Variants in GATAD2B observed in about 807,000 individuals in gnomAD.
GATAD2B encodes transcriptional repressor p66-beta.
Under a neutral mutation model 64.3 loss-of-function variants are expected in GATAD2B, and 8 were observed. The ratio of observed to expected loss-of-function variants is 0.12; its 90% CI spans 0.07 to 0.22. GATAD2B has a LOEUF of 0.22. Among genes scored for constraint, GATAD2B ranks in the 10% least tolerant of loss-of-function variants. The pLI is 1.00. For synonymous variants in GATAD2B, 281 were observed against 271.3 expected, an observed-to-expected ratio of 1.04 and a Z score of -0.35; for missense variants, 453 against 752.0, an observed-to-expected ratio of 0.60 and a Z score of 4.65.
intron 10 of GATAD2B, 72 bp from the exon 11 acceptor site, chr1:153,810,382 G>A (rs754979323): frequency 2.0e-5 from 30 of 1,496,790 alleles, no homozygotes; most frequent in Non-Finnish European, 2.7e-5. Flanking sequence ...CTCTACCCTC[G>A]GGCTGCAGAG....
At chr1:153,820,098 CAAA>C (rs201426841) in intron 2 of GATAD2B, among the ~76,000 whole-genome samples, 9 of 63,174 alleles carry the variant, frequency 1.4e-4, no homozygotes, top group Admixed American at 1.4e-4. Flanking sequence ...GTTCCCGTCT[CAAA>C]AAAAAAAAAA....
At chr1:153,864,305 T>C (rs937531111) in intron 1 of GATAD2B, among the ~76,000 whole-genome samples, 2 of 152,168 alleles carry the variant, frequency 1.3e-5, no homozygotes, top group African/African-American at 4.8e-5. Flanking sequence ...TGAATGCTGA[T>C]TATCGGAATG....
chr1:153,815,285 A>AAC (rs1557780236), intron 7 of GATAD2B, among the ~76,000 whole-genome samples: 5 of 140,028 alleles, frequency 3.6e-5, no homozygotes, highest in African/African-American at 5.0e-5. Context: ...AAAAACAAAA[A>AAC]AAAAAAACAA....
In GATAD2B at chr1:153,809,982, T is replaced by G; in HGVS notation, c.*195A>C. ...GCGGCAGAAGAACAGATCGCAGCAG[T>G]GTGAAATAAAGGGGAGGTGGCAGGG... On this transcript the variant is annotated 3_prime_UTR_variant, in exon 11 of 11. Transcript: ENST00000368655. 1 of 552,548 alleles carries G rather than the reference T, an allele frequency of 1.8e-6. No individual in the cohort carries two copies. The highest frequency in any genetic ancestry group is 3.2e-6 in the Non-Finnish European group (1 of 314,406). 34.2% of individuals were successfully genotyped at this position (552,548 alleles called of 1,614,324 possible). A position where few individuals can be genotyped will look rare whatever the true frequency, so the allele number is the denominator to read the frequency against.
intron 1 of GATAD2B, among the ~76,000 whole-genome samples, chr1:153,844,202 C>G (rs947711324): frequency 1.3e-5 from 2 of 151,880 alleles, no homozygotes; most frequent in African/African-American, 2.4e-5. Flanking sequence ...AGGAAACTAT[C>G]CAAGACTGGG....
intron 1 of GATAD2B, among the ~76,000 whole-genome samples, chr1:153,906,718 C>T (rs1677948716): frequency 6.6e-6 from 1 of 151,994 alleles, no homozygotes; most frequent in African/African-American, 2.4e-5. Context: ...GAAAGGGCAA[C>T]CCACTGAATG....
At chr1:153,845,306 C>T (rs1449070408) in intron 1 of GATAD2B, among the ~76,000 whole-genome samples, 1 of 151,730 alleles carries the variant, frequency 6.6e-6, no homozygotes, top group African/African-American at 2.4e-5. Flanking sequence ...TGCTCAAGCA[C>T]AGGAGGCTGA....
chr1:153,846,736 T>C (rs1404148484), intron 1 of GATAD2B, among the ~76,000 whole-genome samples: 1 of 151,812 alleles, frequency 6.6e-6, no homozygotes, highest in Non-Finnish European at 1.5e-5. Context: ...AATTTTTGTA[T>C]TTTTAGTAGA....
rs2101868351 is a variant in GATAD2B at position 153,805,357 on chromosome 1, A to C, written c.*4820T>G. On this transcript the variant is annotated 3_prime_UTR_variant, in exon 11 of 11. Coordinates refer to ENST00000368655, the MANE Select transcript of GATAD2B (RefSeq NM_020699.4). ...TACACATCCTGTAGCTCACAAAGGG[A>C]GTAAATAACTAAAGCACCAACCTGG... 6.6e-6 allele frequency: 1 copy of C among 152,272 alleles called. No homozygotes were observed. The highest frequency in any genetic ancestry group is 6.5e-5 in the Admixed American group (1 of 15,294). The allele number at this position is 152,272 out of a possible 1,614,324, so 9.4% of individuals were successfully genotyped here.
chr1:153,903,298 G>C (rs963807555), intron 1 of GATAD2B, among the ~76,000 whole-genome samples: 3 of 151,812 alleles, frequency 2.0e-5, no homozygotes, highest in Non-Finnish European at 4.4e-5. Context: ...CTCTCTATCA[G>C]AACAATTAAC....
chr1:153,828,348 C>T lies in GATAD2B; in HGVS notation c.-1G>A. ...GAGCATCTTCTGTCATTCTATCCATCCTATGGAAAGAAAAATACAAGTAAG... is the reference window on the plus strand; with the variant it reads ...GAGCATCTTCTGTCATTCTATCCATTCTATGGAAAGAAAAATACAAGTAAG... On this transcript the variant is annotated splice_region_variant and 5_prime_UTR_variant, in exon 2 of 11. Transcript: ENST00000368655. 6.2e-7 allele frequency: 1 copy of T among 1,600,956 alleles called. No homozygotes were observed. Among genetic ancestry groups the T allele is most frequent in the South Asian group, 1.1e-5 (1 of 90,846 alleles).
In GATAD2B at chr1:153,810,103, C is replaced by T; in HGVS notation, c.*74G>A. 5 of 1,440,312 alleles carry T rather than the reference C, an allele frequency of 3.5e-6. No individual in the cohort carries two copies. Among genetic ancestry groups the T allele is most frequent in the Non-Finnish European group, 4.8e-6 (5 of 1,050,312 alleles). 89.2% of individuals were successfully genotyped at this position (1,440,312 alleles called of 1,614,324 possible). ...TAGGCACCAGTACAGGCACTGCATGCGACAGAAGTTGGGGGAATGAAAGAG... is the reference window on the plus strand; with the variant it reads ...TAGGCACCAGTACAGGCACTGCATGTGACAGAAGTTGGGGGAATGAAAGAG... On this transcript the variant is annotated 3_prime_UTR_variant, in exon 11 of 11. Coordinates refer to ENST00000368655, the MANE Select transcript of GATAD2B (RefSeq NM_020699.4).
intron 1 of GATAD2B, among the ~76,000 whole-genome samples, chr1:153,904,698 G>A (rs1677873508): frequency 6.6e-6 from 1 of 151,732 alleles, no homozygotes; most frequent in Middle Eastern, 3.2e-3. Context: ...TGTGCCACCA[G>A]GCCCAGCTAA....
At chr1:153,915,861 A>T (rs1226415131) in intron 1 of GATAD2B, among the ~76,000 whole-genome samples, 1 of 152,214 alleles carries the variant, frequency 6.6e-6, no homozygotes, top group Non-Finnish European at 1.5e-5. Flanking sequence ...GGCCTTGAAT[A>T]CCACTCAAAG....
chr1:153,913,982 C>T (rs572019799), intron 1 of GATAD2B, among the ~76,000 whole-genome samples: 29 of 150,840 alleles, frequency 1.9e-4, no homozygotes, highest in Non-Finnish European at 4.0e-4. Context: ...CAGTGGCTCA[C>T]GCCTGTAATC....
chr1:153,892,205 G>A (rs1217418945), intron 1 of GATAD2B, among the ~76,000 whole-genome samples: 2 of 150,396 alleles, frequency 1.3e-5, no homozygotes, highest in Non-Finnish European at 3.0e-5. Flanking sequence ...AGACAATTAG[G>A]GACAGAATCC....
chr1:153,904,825 G>A (rs1284230509), intron 1 of GATAD2B, among the ~76,000 whole-genome samples: 1 of 152,058 alleles, frequency 6.6e-6, no homozygotes, highest in East Asian at 1.9e-4. Context: ...TCCTGCCTCA[G>A]CCTCCCGAGC....
intron 1 of GATAD2B, among the ~76,000 whole-genome samples, chr1:153,899,689 A>G (rs1451802420): frequency 6.6e-6 from 1 of 152,212 alleles, no homozygotes; most frequent in Non-Finnish European, 1.5e-5. Context: ...AATAAGGTAT[A>G]TAAGTGTTCC....
chr1:153,819,598 CT>C lies in GATAD2B; in HGVS notation c.465+7del. 1.3e-6 allele frequency: 2 copies of C among 1,574,536 alleles called. No individual in the cohort carries two copies. Among genetic ancestry groups the C allele is most frequent in the Non-Finnish European group, 8.6e-7 (1 of 1,164,270 alleles). ...AACAAGAAGAAAGAAATTTTTCTTT[CT>C]TTTTACCTTAAACATCTCTAAGTTG... On this transcript the variant is annotated splice_region_variant and intron_variant, in intron 3 of 10. Transcript: ENST00000368655.
Sources: allele counts gnomAD v4.1 joint callset (sites outside exome capture counted in the v4.1 genomes callset), GRCh38; gene constraint gnomAD v4.1.1; transcripts MANE v1.5; gene names NCBI Gene and HGNC (gene_info 2026-07-23, HGNC 2026-07-21).